SCAI: variants seen among roughly 807,000 people sequenced by gnomAD.
The protein encoded by SCAI is suppressor of cancer cell invasion, also known as protein SCAI.
Under a neutral mutation model 92.2 loss-of-function variants are expected in SCAI, and 24 were observed. The ratio of observed to expected loss-of-function variants is 0.26; its 90% CI spans 0.19 to 0.37. The LOEUF is 0.37. SCAI is among the 10% of genes least tolerant of loss of function. SCAI has a pLI of 1.00. For synonymous variants in SCAI, 261 were observed against 258.6 expected, an observed-to-expected ratio of 1.01 and a Z score of -0.09; for missense variants, 450 against 736.2, an observed-to-expected ratio of 0.61 and a Z score of 4.50.
intron 6 of SCAI, among the ~76,000 whole-genome samples, chr9:125,022,260 GTTCCT>G (rs1249463056): frequency 3.9e-5 from 6 of 152,034 alleles, no homozygotes; most frequent in East Asian, 1.9e-4. Context: ...TTCCTGAATT[GTTCCT>G]TTCATCAGAG....
chr9:125,027,185 CA>C (rs1832980915), intron 5 of SCAI, among the ~76,000 whole-genome samples: 1 of 152,140 alleles, frequency 6.6e-6, no homozygotes, highest in South Asian at 2.1e-4. Context: ...AGGGACTCTC[CA>C]AACAGCATTC....
At position 125,013,195 on chromosome 9, in the gene SCAI, G is replaced by A. The variant is rs1322094058; in HGVS notation, c.861+5604C>T. Among the ~76,000 whole-genome samples the A allele has an allele frequency of 2.1e-3, 323 of 151,648 alleles. 1 individual carries two copies. The highest frequency in any genetic ancestry group is 3.3e-3 in the Non-Finnish European group (223 of 67,590). ...AACTAAAATCAGAGCAGAACTGAAGGAAATAGAGACACAAAAAACCCTTCA... is the reference window on the plus strand; with the variant it reads ...AACTAAAATCAGAGCAGAACTGAAGAAAATAGAGACACAAAAAACCCTTCA... On this transcript the variant is annotated intron_variant, in intron 9 of 17. Transcript: ENST00000336505.
At chr9:124,988,130 T>G (rs10819019) in intron 14 of SCAI, among the ~76,000 whole-genome samples, 82,042 of 151,760 alleles carry the variant, frequency 0.54, 22,913 homozygotes, top group Non-Finnish European at 0.58. Flanking sequence ...ACTAGACCTT[T>G]ATATTCCAGG....
chr9:124,958,800 G>A (rs923462948), intron 17 of SCAI, among the ~76,000 whole-genome samples: 4 of 151,752 alleles, frequency 2.6e-5, no homozygotes, highest in African/African-American at 7.3e-5. Flanking sequence ...CCAGCTACTC[G>A]GGAGGCTGAG....
intron 2 of SCAI, among the ~76,000 whole-genome samples, chr9:125,092,268 G>A (rs1401164091): frequency 6.6e-6 from 1 of 150,674 alleles, no homozygotes; most frequent in Non-Finnish European, 1.5e-5. Flanking sequence ...AGACCACCTG[G>A]CCAACATGGT....
Position 124,978,501 on chromosome 9 carries a change from G to T in SCAI, c.1327-2315C>A, listed in dbSNP as rs12002291. ...TTCTAAAAGTTTGAGAATATACACT[G>T]TTGGCAAGAATGTGGGGAAATACTC... On this transcript the variant is annotated intron_variant, in intron 14 of 17. Coordinates refer to ENST00000336505, the MANE Select transcript of SCAI (RefSeq NM_001144877.3). 9.7e-3 allele frequency among the ~76,000 whole-genome samples: 1,484 copies of T among 152,292 alleles called. 20 individuals carry two copies. The highest frequency in any genetic ancestry group is 0.034 in the African/African-American group (1,414 of 41,564).
At position 125,091,775 on chromosome 9, in the gene SCAI, C is replaced by T. The variant is rs1415958662; in HGVS notation, c.99-35768G>A. ...AACATCCAACATCTCATCCGCCATC[C>T]CCACTTTTCAGCTGATGGCAATTGT... On this transcript the variant is annotated intron_variant, in intron 2 of 17. Transcript: ENST00000336505. The surrounding 1 kb of genome is among the most constrained non-coding windows in gnomAD (Gnocchi z 4.3). Among the ~76,000 whole-genome samples, 3 of 152,058 alleles carry T rather than the reference C, an allele frequency of 2.0e-5. No individual in the cohort carries two copies. Among genetic ancestry groups the T allele is most frequent in the Non-Finnish European group, 2.9e-5 (2 of 68,014 alleles).
rs1324854801 is a variant in SCAI, at chr9:124,943,925, C to A, written c.*8882G>T. 1.3e-5 allele frequency: 2 copies of A among 152,160 alleles called. No individual in the cohort carries two copies. The highest frequency in any genetic ancestry group is 2.4e-5 in the African/African-American group (1 of 41,430). 9.4% of individuals were successfully genotyped at this position (152,160 alleles called of 1,614,324 possible). On this transcript the variant is annotated 3_prime_UTR_variant, in exon 18 of 18. Coordinates refer to ENST00000336505, the MANE Select transcript of SCAI (RefSeq NM_001144877.3). ...CATCTGATTCAATGATTAATGAAATCACTATTTATACTGGTGCTACACAAC... is the reference window on the plus strand; with the variant it reads ...CATCTGATTCAATGATTAATGAAATAACTATTTATACTGGTGCTACACAAC...
intron 6 of SCAI, among the ~76,000 whole-genome samples, 163 bp downstream of exon 6, chr9:125,026,647 CAT>C (rs1407520977): frequency 6.6e-6 from 1 of 152,148 alleles, no homozygotes; most frequent in African/African-American, 2.4e-5. Context: ...GCTTAGGTAA[CAT>C]AAACTTCTCT....
chr9:125,010,156 T>G (rs1179278938), intron 9 of SCAI, among the ~76,000 whole-genome samples: 1 of 152,136 alleles, frequency 6.6e-6, no homozygotes, highest in African/African-American at 2.4e-5. Context: ...CGGGTTCATC[T>G]CACTAGGGAG....
At chr9:125,084,698 T>C (rs1196568415) in intron 2 of SCAI, among the ~76,000 whole-genome samples, 4 of 152,178 alleles carry the variant, frequency 2.6e-5, no homozygotes, top group East Asian at 3.8e-4. Context: ...GTAGAATGCA[T>C]TGTGTCTACA....
chr9:125,075,583 C>G (rs1219561852), intron 2 of SCAI, among the ~76,000 whole-genome samples: 2 of 117,810 alleles, frequency 1.7e-5, no homozygotes, highest in South Asian at 5.2e-4. Context: ...TTTTTTTTTT[C>G]GAGATGGAGT....
At chr9:125,007,563 TCAC>T (rs1239448897) in intron 9 of SCAI, among the ~76,000 whole-genome samples, 1 of 151,938 alleles carries the variant, frequency 6.6e-6, no homozygotes, top group Non-Finnish European at 1.5e-5. Flanking sequence ...GGCAGGAAGA[TCAC>T]TTCAGCCTGG....
chr9:125,065,910 C>T, intron 2 of SCAI: 14 of 686,882 alleles, frequency 2.0e-5, no homozygotes, highest in Middle Eastern at 2.4e-4. Context: ...AAGAAACCAA[C>T]TCAGCAAACT....
chr9:125,033,860 A>G (rs1361027388), intron 3 of SCAI, among the ~76,000 whole-genome samples: 1 of 152,226 alleles, frequency 6.6e-6, no homozygotes, highest in Admixed American at 6.5e-5. Flanking sequence ...AAAGAGAGGG[A>G]GGCAATCAGT....
chr9:125,099,760 C>CT (rs1564412783), intron 2 of SCAI, among the ~76,000 whole-genome samples: 3 of 152,120 alleles, frequency 2.0e-5, no homozygotes, highest in African/African-American at 7.2e-5. Flanking sequence ...TTTGACTACT[C>CT]TAAGTACTTT....
At chr9:125,069,981 A>T (rs908551367) in intron 2 of SCAI, among the ~76,000 whole-genome samples, 1 of 152,198 alleles carries the variant, frequency 6.6e-6, no homozygotes, top group Non-Finnish European at 1.5e-5. Context: ...ATTAAGCATG[A>T]GCATAAAATA....
intron 12 of SCAI, among the ~76,000 whole-genome samples, chr9:125,001,317 A>AT (rs1296392924): frequency 2.6e-5 from 4 of 152,180 alleles, no homozygotes; most frequent in Non-Finnish European, 4.4e-5. Flanking sequence ...TTATTTTTTT[A>AT]TTTTGCCCAG....
intron 3 of SCAI, among the ~76,000 whole-genome samples, chr9:125,049,230 T>C (rs1833507267): frequency 6.6e-6 from 1 of 152,116 alleles, no homozygotes; most frequent in South Asian, 2.1e-4. Flanking sequence ...TTCTTTGGCT[T>C]TGTGTATTTG....
Sources: gnomAD v4.1 joint callset for allele counts (sites outside exome capture counted in the v4.1 genomes callset) on GRCh38, gnomAD v4.1.1 for gene constraint, Gnocchi (gnomAD v3.1) non-coding constraint, MANE v1.5 for transcripts, NCBI Gene and HGNC (gene_info 2026-07-23, HGNC 2026-07-21) for gene names.